RSPO2: variants seen among roughly 807,000 people sequenced by gnomAD.
RSPO2 encodes the protein R-spondin 2.
Under a neutral mutation model 30.9 loss-of-function variants are expected in RSPO2, and 14 were observed. The ratio of observed to expected loss-of-function variants is 0.45; its 90% CI spans 0.30 to 0.71. The LOEUF is 0.71. Among genes scored for constraint, RSPO2 ranks in the 30% least tolerant of loss-of-function variants. The pLI, the probability that RSPO2 is intolerant of heterozygous loss-of-function variation, is 0.08. For synonymous variants in RSPO2, 107 were observed against 96.4 expected (o/e 1.11, Z -0.64); for missense variants, 264 against 301.9 (o/e 0.87, Z 0.93).
At position 108,038,230 on chromosome 8, in the gene RSPO2, T is replaced by C. The variant is rs894759857; in HGVS notation, c.94+44315A>G. ...TAACTTCAGGGGTTCAAAACTTCAG[T>C]GGAGTGAGTAATTGCAGACATGGTA... On this transcript the variant is annotated intron_variant, in intron 2 of 5. Coordinates refer to ENST00000276659, the MANE Select transcript of RSPO2 (RefSeq NM_178565.5). Among the ~76,000 whole-genome samples, 9 of 152,066 alleles carry C rather than the reference T, an allele frequency of 5.9e-5. No individual in the cohort carries two copies. In the South Asian group the frequency reaches 6.2e-4, roughly 10 times the overall value.
chr8:107,995,955 C>T (rs1208612029), intron 2 of RSPO2, among the ~76,000 whole-genome samples: 1 of 152,120 alleles, frequency 6.6e-6, no homozygotes. Context: ...TTTTGCATAG[C>T]TGACCAAAAA....
intron 2 of RSPO2, among the ~76,000 whole-genome samples, chr8:108,065,289 G>GAA (rs533689799): frequency 0.042 from 3,300 of 78,202 alleles, 140 homozygotes; most frequent in African/African-American, 0.12. Context: ...CTCAGAAATT[G>GAA]AAAAAAAAAA....
Position 107,901,081 on chromosome 8 carries a change from G to T in RSPO2, c.726C>A (p.Asn242Lys). 6.2e-7 allele frequency: 1 copy of T among 1,612,548 alleles called. No homozygotes were observed. Among genetic ancestry groups the T allele is most frequent in the South Asian group, 1.1e-5 (1 of 90,712 alleles). ...HSVFLATDRANQ is the reference protein window; with the variant it reads ...HSVFLATDRAKQ ...ATCTACCGGATCTCTTGTTTTATTGGTTAGCTCTGTCTGTAGCTAGGAAGA... is the reference window on the plus strand; with the variant it reads ...ATCTACCGGATCTCTTGTTTTATTGTTTAGCTCTGTCTGTAGCTAGGAAGA... Residue 242 changes from asparagine to lysine, a missense_variant, in exon 6 of 6, where the codon AAC becomes AAA. By Grantham distance (94) the Asn-to-Lys change is moderately conservative. Transcript: ENST00000276659.
At chr8:107,974,847 T>TACATACACACACACAC (rs1554578190) in intron 3 of RSPO2, among the ~76,000 whole-genome samples, 50 of 150,924 alleles carry the variant, frequency 3.3e-4, no homozygotes, top group African/African-American at 1.1e-3. Context: ...CACATACACA[T>TACATACACACACACAC]ACACACACAC....
At chr8:107,965,865 T>C (rs1813786069) in intron 3 of RSPO2, among the ~76,000 whole-genome samples, 1 of 152,176 alleles carries the variant, frequency 6.6e-6, no homozygotes, top group Non-Finnish European at 1.5e-5. Flanking sequence ...GAACCAACAG[T>C]TAAACACCTG....
intron 5 of RSPO2, among the ~76,000 whole-genome samples, chr8:107,953,983 T>C (rs1204298359): frequency 6.6e-6 from 1 of 152,214 alleles, no homozygotes; most frequent in African/African-American, 2.4e-5. Flanking sequence ...CACTTCTTTA[T>C]TGCAGCTATT....
At chr8:107,937,814 AT>A (rs1812768965) in intron 5 of RSPO2, among the ~76,000 whole-genome samples, 1 of 152,028 alleles carries the variant, frequency 6.6e-6, no homozygotes, top group Non-Finnish European at 1.5e-5. Flanking sequence ...TCTCACCAAA[AT>A]TTTTAGTAAC....
chr8:107,956,987 T>C (rs557279668), intron 5 of RSPO2, among the ~76,000 whole-genome samples: 1 of 152,180 alleles, frequency 6.6e-6, no homozygotes, highest in Non-Finnish European at 1.5e-5. Flanking sequence ...AAAGCAAAAC[T>C]AATTCAAGAG....
In RSPO2 at chr8:107,983,715, G is replaced by C; in HGVS notation, c.283+5341C>G. 4.4e-6 allele frequency: 7 copies of C among 1,589,240 alleles called. No individual in the cohort carries two copies. The South Asian group carries it at 6.7e-5, about 15-fold the overall frequency. Reference sequence around the variant, plus strand: ...TAAGGGAAGAAAATAACAACTAAAGGCTGAAAAGGCCAGACTTCTAAAAGG... The same window carrying C: ...TAAGGGAAGAAAATAACAACTAAAGCCTGAAAAGGCCAGACTTCTAAAAGG... On this transcript the variant is annotated intron_variant, in intron 3 of 5. Transcript: ENST00000276659.
Position 107,925,996 on chromosome 8 carries a change from G to A in RSPO2, c.617-24806C>T, listed in dbSNP as rs990166137. Among the ~76,000 whole-genome samples, 101 of 152,102 alleles carry A rather than the reference G, an allele frequency of 6.6e-4. 1 individual carries two copies. Among genetic ancestry groups the A allele is most frequent in the Admixed American group, 2.6e-4 (4 of 15,278 alleles). On this transcript the variant is annotated intron_variant, in intron 5 of 5. Transcript: ENST00000276659. ...AATCACCACACTGTCTTCCACAATGGTTGAACTAGTTTACAGTCCCACCAA... is the reference window on the plus strand; with the variant it reads ...AATCACCACACTGTCTTCCACAATGATTGAACTAGTTTACAGTCCCACCAA...
intron 2 of RSPO2, among the ~76,000 whole-genome samples, chr8:107,993,557 T>A (rs1317012182): frequency 6.6e-6 from 1 of 152,098 alleles, no homozygotes; most frequent in Non-Finnish European, 1.5e-5. Flanking sequence ...GACTACTACA[T>A]GCCTTTGAGG....
At chr8:108,026,504 A>T (rs1439228438) in intron 2 of RSPO2, among the ~76,000 whole-genome samples, 1 of 152,174 alleles carries the variant, frequency 6.6e-6, no homozygotes, top group Non-Finnish European at 1.5e-5. Context: ...ATTGAGAATC[A>T]TGTCTCCAAC....
At chr8:107,944,391 T>C (rs551379702) in intron 5 of RSPO2, among the ~76,000 whole-genome samples, 3 of 152,322 alleles carry the variant, frequency 2.0e-5, no homozygotes, top group African/African-American at 7.2e-5. Context: ...AAATGAAAGA[T>C]TGTAAGCCAC....
intron 2 of RSPO2, among the ~76,000 whole-genome samples, chr8:107,993,989 C>A (rs556721012): frequency 7.8e-4 from 118 of 152,212 alleles, no homozygotes; most frequent in African/African-American, 2.4e-3. Context: ...TCTGCAAAGA[C>A]CCTGTTTCCA....
At position 108,068,731 on chromosome 8, in the gene RSPO2, T is replaced by G. The variant is rs557834315; in HGVS notation, c.94+13814A>C. ...TAAACCCAGAGGTAAGACAGCCATGTGAACATAGAAGCAGAGATTGGAATT... is the reference window on the plus strand; with the variant it reads ...TAAACCCAGAGGTAAGACAGCCATGGGAACATAGAAGCAGAGATTGGAATT... On this transcript the variant is annotated intron_variant, in intron 2 of 5. Transcript: ENST00000276659. Among the ~76,000 whole-genome samples the G allele has an allele frequency of 1.4e-3, 209 of 152,272 alleles. 1 individual carries two copies. The highest frequency in any genetic ancestry group is 4.9e-3 in the African/African-American group (204 of 41,554).
rs150561746 is a variant in RSPO2 at position 107,997,848 on chromosome 8, T to G, written c.95-8604A>C. 2.3e-3 allele frequency among the ~76,000 whole-genome samples: 345 copies of G among 152,314 alleles called. 5 individuals are homozygous for G. Among genetic ancestry groups the G allele is most frequent in the African/African-American group, 7.7e-3 (319 of 41,568 alleles). On this transcript the variant is annotated intron_variant, in intron 2 of 5. Transcript: ENST00000276659. The stretch of plus-strand genomic sequence containing the variant: ...TTATTCACATTTATCTCATAGAGTA[T>G]TTTATGTAGGTGTTGAATGCCCATG...
intron 2 of RSPO2, among the ~76,000 whole-genome samples, chr8:108,067,227 C>G (rs1487753789): frequency 6.6e-6 from 1 of 152,184 alleles, no homozygotes; most frequent in Non-Finnish European, 1.5e-5. Context: ...AATGCTGATT[C>G]AAGCATAGCC....
rs189750810 is a variant in RSPO2, at chr8:107,975,769, T to C, written c.283+13287A>G. 1.6e-4 allele frequency among the ~76,000 whole-genome samples: 24 copies of C among 152,066 alleles called. No homozygotes were observed. In the East Asian group the frequency reaches 3.7e-3, roughly 23 times the overall value. The stretch of plus-strand genomic sequence containing the variant: ...TATAATCTCCCAAAACTAAAATCAA[T>C]TGACAATTGTGAGATTTTCTAGATA... On this transcript the variant is annotated intron_variant, in intron 3 of 5. Transcript: ENST00000276659.
intron 5 of RSPO2, among the ~76,000 whole-genome samples, chr8:107,924,183 G>C (rs1812280422): frequency 6.6e-6 from 1 of 151,840 alleles, no homozygotes; most frequent in Non-Finnish European, 1.5e-5. Context: ...CCTCACTAAA[G>C]GGAGCATCTG....
Sources: gnomAD v4.1 joint callset for allele counts (sites outside exome capture counted in the v4.1 genomes callset) on GRCh38, gnomAD v4.1.1 for gene constraint, MANE v1.5 for transcripts, NCBI Gene and HGNC (gene_info 2026-07-23, HGNC 2026-07-21) for gene names.